Variants in TSPAN7 observed in about 807,000 individuals in gnomAD.
TSPAN7 encodes the protein tetraspanin 7.
TSPAN7 carries 1 observed loss-of-function variant against 17.6 expected under a neutral mutation model. The observed-to-expected ratio is 0.06, with a 90% CI of 0.02 to 0.27. TSPAN7 has a LOEUF of 0.27. Ranked by LOEUF, TSPAN7 falls within the 10% of genes least tolerant of loss-of-function variation. The probability of loss-of-function intolerance (pLI) is 1.00; values close to 1 mark genes in which losing one functional copy is unlikely to be tolerated. For synonymous variants in TSPAN7, 78 were observed against 79.0 expected (o/e 0.99, Z 0.07); for missense variants, 112 against 201.7 (o/e 0.56, Z 2.69).
intron 1 of TSPAN7, among the ~76,000 whole-genome samples, chrX:38,633,097 G>A (rs759292659): frequency 8.9e-6 from 1 of 112,280 alleles, no homozygotes; most frequent in Non-Finnish European, 1.9e-5. Flanking sequence ...TCTTGGTTTT[G>A]TTTTAGGTAA....
At chrX:38,577,878 A>G (rs2069205185) in intron 1 of TSPAN7, among the ~76,000 whole-genome samples, 1 of 109,936 alleles carries the variant, frequency 9.1e-6, no homozygotes, top group South Asian at 4.1e-4. Flanking sequence ...AGTAGCAGAG[A>G]CATGTGAGCG....
At chrX:38,602,080 T>C (rs979280494) in intron 1 of TSPAN7, among the ~76,000 whole-genome samples, 4 of 111,144 alleles carry the variant, frequency 3.6e-5, no homozygotes, top group African/African-American at 1.3e-4. Context: ...CTTACTGGGG[T>C]TGTTAATGTA....
chrX:38,677,397 A>G (rs2069861480), intron 5 of TSPAN7, among the ~76,000 whole-genome samples: 1 of 112,418 alleles, frequency 8.9e-6, no homozygotes, highest in Non-Finnish European at 1.9e-5. Context: ...CTTCTGTATC[A>G]CATGGAGTCT....
intron 1 of TSPAN7, among the ~76,000 whole-genome samples, chrX:38,562,183 C>G (rs950562696): frequency 8.9e-6 from 1 of 111,749 alleles, no homozygotes. Flanking sequence ...GTCTCCCAAG[C>G]GCACGATGGG....
chrX:38,643,527 G>A (rs2069626370), intron 1 of TSPAN7, among the ~76,000 whole-genome samples: 1 of 110,047 alleles, frequency 9.1e-6, no homozygotes, highest in East Asian at 2.8e-4. Flanking sequence ...ATAGGTTAAG[G>A]AGTGAAATTT....
chrX:38,588,196 C>T (rs1391438089), intron 1 of TSPAN7, among the ~76,000 whole-genome samples: 1 of 110,791 alleles, frequency 9.0e-6, no homozygotes. Flanking sequence ...TTTGCTAATG[C>T]GTCTCTAGGA....
intron 1 of TSPAN7, among the ~76,000 whole-genome samples, chrX:38,640,898 A>C (rs772550422): frequency 8.9e-6 from 1 of 111,889 alleles, no homozygotes; most frequent in South Asian, 3.7e-4. Flanking sequence ...TTTCTTAAGC[A>C]CTTGTATGTT....
chrX:38,563,205 A>G (rs2069123754), intron 1 of TSPAN7: 1 of 832,209 alleles, frequency 1.2e-6, no homozygotes, highest in Non-Finnish European at 1.5e-6. Flanking sequence ...TAACTGGCAT[A>G]TTGCACAAGG....
At chrX:38,672,732 A>C in intron 3 of TSPAN7, among the ~76,000 whole-genome samples, 1 of 111,295 alleles carries the variant, frequency 9.0e-6, no homozygotes, top group Non-Finnish European at 1.9e-5. Context: ...GGAAATCCTC[A>C]TGTACCTAAT....
intron 1 of TSPAN7, among the ~76,000 whole-genome samples, chrX:38,638,297 C>G (rs149059504): frequency 8.9e-6 from 1 of 112,247 alleles, no homozygotes; most frequent in Non-Finnish European, 1.9e-5. Flanking sequence ...AGGGCAGGCC[C>G]CCTATGGTAC....
chrX:38,655,742 G>A (rs184138738), intron 1 of TSPAN7, among the ~76,000 whole-genome samples: 32 of 111,695 alleles, frequency 2.9e-4, no homozygotes, highest in African/African-American at 8.5e-4. Context: ...CACATAAAGC[G>A]TGGGAATTCA....
chrX:38,681,341 C>A, intron 6 of TSPAN7, 54 bp downstream of exon 6: 1 of 1,038,921 alleles, frequency 9.6e-7, no homozygotes, highest in Non-Finnish European at 1.4e-6. Flanking sequence ...GCCTCCCTCC[C>A]TGGCCTCCAG....
intron 1 of TSPAN7, among the ~76,000 whole-genome samples, chrX:38,584,170 G>T (rs1175176739): frequency 1.8e-5 from 2 of 108,966 alleles, no homozygotes; most frequent in African/African-American, 6.7e-5. Context: ...AGCCAGGATG[G>T]TCTCGATTTC....
At chrX:38,565,752 T>TC (rs2069139463) in intron 1 of TSPAN7, among the ~76,000 whole-genome samples, 2 of 111,956 alleles carry the variant, frequency 1.8e-5, no homozygotes, top group Admixed American at 1.9e-4. Context: ...GAAAGAGAGA[T>TC]TATTGTTTTA....
intron 1 of TSPAN7, chrX:38,656,105 G>T: frequency 3.3e-6 from 1 of 301,535 alleles, no homozygotes; most frequent in Non-Finnish European, 6.5e-6. Flanking sequence ...GATTCTGTTT[G>T]ATGGATATTA....
chrX:38,660,449 C>G (rs2069737244), intron 1 of TSPAN7, among the ~76,000 whole-genome samples: 1 of 111,857 alleles, frequency 8.9e-6, no homozygotes, highest in African/African-American at 3.3e-5. Flanking sequence ...CACACACACT[C>G]ACATAAGAAT....
chrX:38,646,201 G>A (rs1021864299), intron 1 of TSPAN7: 2 of 1,036,409 alleles, frequency 1.9e-6, no homozygotes. Context: ...CTGGCAAAAA[G>A]TATAGATCCA....
At chrX:38,687,890 A>T (rs1024531527) in intron 7 of TSPAN7, 49 bp from the exon 8 acceptor site, 5 of 344,597 alleles carry the variant, frequency 1.5e-5, no homozygotes, top group Non-Finnish European at 2.5e-5. Flanking sequence ...GTTATCTTTC[A>T]AGTCCTTATT....
chrX:38,608,330 C>T (rs2069397273), intron 1 of TSPAN7: 1 of 110,595 alleles, frequency 9.0e-6, no homozygotes, highest in South Asian at 3.8e-4. Flanking sequence ...GGTAACTGAA[C>T]TGTTAGCATG....
Sources: gnomAD v4.1 joint callset for allele counts (sites outside exome capture counted in the v4.1 genomes callset) on GRCh38, gnomAD v4.1.1 for gene constraint, MANE v1.5 for transcripts, NCBI Gene and HGNC (gene_info 2026-07-23, HGNC 2026-07-21) for gene names.